CLVS1: variants seen among roughly 807,000 people sequenced by gnomAD.
The protein encoded by CLVS1 is clavesin-1.
CLVS1 carries 10 observed loss-of-function variants against 33.1 expected under a neutral mutation model. The observed-to-expected ratio is 0.30, with a 90% CI of 0.19 to 0.51. The LOEUF (loss-of-function observed/expected upper bound fraction) is 0.51, where lower values mean the gene tolerates loss of function less well. Ranked by LOEUF, CLVS1 falls within the 20% of genes least tolerant of loss-of-function variation. The probability of loss-of-function intolerance (pLI) is 0.97; values close to 1 mark genes in which losing one functional copy is unlikely to be tolerated. For synonymous variants in CLVS1, 163 were observed against 166.1 expected, an observed-to-expected ratio of 0.98 and a Z score of 0.14; for missense variants, 343 against 433.4, an observed-to-expected ratio of 0.79 and a Z score of 1.85.
At chr8:61,354,521 C>T (rs1812606648) in intron 2 of CLVS1, among the ~76,000 whole-genome samples, 1 of 152,040 alleles carries the variant, frequency 6.6e-6, no homozygotes, top group African/African-American at 2.4e-5. Context: ...ACAAAAAAGC[C>T]TATACACAAA....
At chr8:61,427,726 T>C (rs1314578775) in intron 3 of CLVS1, among the ~76,000 whole-genome samples, 2 of 152,206 alleles carry the variant, frequency 1.3e-5, no homozygotes, top group Non-Finnish European at 2.9e-5. Context: ...CCAAACCACT[T>C]ATAAGTAGCA....
intron 2 of CLVS1, among the ~76,000 whole-genome samples, chr8:61,346,535 T>C (rs912076169): frequency 6.6e-6 from 1 of 152,216 alleles, no homozygotes; most frequent in Non-Finnish European, 1.5e-5. Context: ...GATGACCTTT[T>C]ACATGTATCT....
At chr8:61,327,972 T>TAA (rs1811445431) in intron 2 of CLVS1, among the ~76,000 whole-genome samples, 1 of 152,204 alleles carries the variant, frequency 6.6e-6, no homozygotes, top group Non-Finnish European at 1.5e-5. Context: ...AAAGAAATAT[T>TAA]TACATAAATA....
upstream of CLVS1, among the ~76,000 whole-genome samples, chr8:61,285,344 G>T (rs1015560272): frequency 6.6e-6 from 1 of 152,098 alleles, no homozygotes; most frequent in Non-Finnish European, 1.5e-5. Flanking sequence ...TAAGCATATA[G>T]GTCCTTTGCA....
intron 1 of CLVS1, among the ~76,000 whole-genome samples, chr8:61,099,683 T>A (rs1805414848): frequency 6.6e-6 from 1 of 152,116 alleles, no homozygotes; most frequent in Non-Finnish European, 1.5e-5. Context: ...GGCGAGCAGG[T>A]CTCTGGGACT....
intron 2 of CLVS1, among the ~76,000 whole-genome samples, chr8:61,371,717 T>G (rs774696067): frequency 9.2e-5 from 14 of 152,224 alleles, no homozygotes; most frequent in Non-Finnish European, 1.9e-4. Context: ...AAGAACTTAC[T>G]AATTTCCACT....
chr8:61,464,165 G>A (rs955570356), intron 5 of CLVS1, among the ~76,000 whole-genome samples: 1 of 152,058 alleles, frequency 6.6e-6, no homozygotes, highest in Admixed American at 6.5e-5. Context: ...GAGTCATGCT[G>A]TTGGAAAAAT....
At chr8:61,345,129 A>T (rs1317428825) in intron 2 of CLVS1, among the ~76,000 whole-genome samples, 2 of 152,174 alleles carry the variant, frequency 1.3e-5, no homozygotes, top group Non-Finnish European at 2.9e-5. Context: ...GTTAAGCTAC[A>T]TTTGAGAGTG....
At chr8:61,336,557 C>T (rs1026980535) in intron 2 of CLVS1, among the ~76,000 whole-genome samples, 6 of 152,022 alleles carry the variant, frequency 3.9e-5, no homozygotes, top group Non-Finnish European at 7.4e-5. Flanking sequence ...CTGGGAGGCA[C>T]CTCTTATGGG....
chr8:61,324,895 G>A (rs916237702), intron 2 of CLVS1, among the ~76,000 whole-genome samples: 2 of 152,088 alleles, frequency 1.3e-5, no homozygotes, highest in Non-Finnish European at 2.9e-5. Flanking sequence ...GGACTAAAAT[G>A]TCAAGCCATC....
the CLVS1 span, among the ~76,000 whole-genome samples, chr8:61,001,587 T>A: frequency 6.6e-6 from 1 of 152,260 alleles, no homozygotes; most frequent in Admixed American, 6.5e-5. Context: ...TAAATTTGAA[T>A]CAAATGACAA....
Position 61,088,705 on chromosome 8 carries a change from A to G in CLVS1, c.-243+31475A>G, listed in dbSNP as rs575674982. Among the ~76,000 whole-genome samples the G allele has an allele frequency of 4.6e-4, 70 of 152,086 alleles. 1 individual carries two copies. The South Asian group carries it at 0.014, about 31-fold the overall frequency. On this transcript the variant is annotated intron_variant, in intron 1 of 2. Transcript: ENST00000522621. ...CCAAATCCTTTTCCAAATTAGTTGA[A>G]TCAAATTCTGCCCCTCCATCCCATT...
chr8:61,363,908 G>A (rs1489122649), intron 2 of CLVS1, among the ~76,000 whole-genome samples: 1 of 152,152 alleles, frequency 6.6e-6, no homozygotes, highest in African/African-American at 2.4e-5. Flanking sequence ...CGCCATGGGT[G>A]TGTCTGTGGG....
chr8:61,204,097 A>G (rs1343995619), intron 2 of CLVS1, among the ~76,000 whole-genome samples: 2 of 152,194 alleles, frequency 1.3e-5, no homozygotes, highest in Non-Finnish European at 2.9e-5. Context: ...CTGGGATTTG[A>G]ATTCTGGTTT....
At chr8:61,404,626 C>T (rs1814908885) in intron 3 of CLVS1, among the ~76,000 whole-genome samples, 1 of 152,078 alleles carries the variant, frequency 6.6e-6, no homozygotes, top group Admixed American at 6.6e-5. Flanking sequence ...AAGGAGGAAA[C>T]ATTGGAACTC....
chr8:61,324,469 G>T (rs974249039), intron 2 of CLVS1, among the ~76,000 whole-genome samples: 3 of 151,956 alleles, frequency 2.0e-5, no homozygotes, highest in Admixed American at 2.0e-4. Context: ...CCCAGTCTTG[G>T]GTATGTCTTT....
chr8:61,299,012 A>G (rs1175737583), intron 1 of CLVS1, among the ~76,000 whole-genome samples: 10 of 152,184 alleles, frequency 6.6e-5, no homozygotes, highest in Non-Finnish European at 1.3e-4. Context: ...AGCCATTTGC[A>G]AATGTCCCTG....
At chr8:61,251,004 G>A (rs1808932780) in intron 2 of CLVS1, among the ~76,000 whole-genome samples, 1 of 152,160 alleles carries the variant, frequency 6.6e-6, no homozygotes, top group Non-Finnish European at 1.5e-5. Context: ...GTTTTCAAAG[G>A]GAATGCTTCC....
intron 4 of CLVS1, among the ~76,000 whole-genome samples, chr8:61,457,157 G>C (rs958537737): frequency 6.6e-6 from 1 of 151,860 alleles, no homozygotes; most frequent in Admixed American, 6.6e-5. Context: ...GGCTGGTCTC[G>C]AACTCCTGAC....
Sources: gnomAD v4.1 joint callset for allele counts (sites outside exome capture counted in the v4.1 genomes callset) on GRCh38, gnomAD v4.1.1 for gene constraint, MANE v1.5 for transcripts, NCBI Gene and HGNC (gene_info 2026-07-23, HGNC 2026-07-21) for gene names.